RAPGEF4: variants seen among roughly 807,000 people sequenced by gnomAD.
RAPGEF4 encodes RAP guanine-nucleotide-exchange factor (GEF) 4.
A neutral mutation model predicts 147.9 loss-of-function variants in RAPGEF4; 66 were observed. That is an observed-to-expected ratio of 0.45 (90% confidence interval 0.37 to 0.55). RAPGEF4 has a LOEUF of 0.55. Ranked by LOEUF, RAPGEF4 falls within the 20% of genes least tolerant of loss-of-function variation. The pLI is 0.00. For missense variants in RAPGEF4, 1,071 were observed against 1,257.3 expected (o/e 0.85, Z 2.24); for synonymous variants, 419 against 442.7 (o/e 0.95, Z 0.67).
intron 4 of RAPGEF4, among the ~76,000 whole-genome samples, chr2:172,876,754 C>G (rs899767276): frequency 1.3e-5 from 2 of 152,152 alleles, no homozygotes; most frequent in African/African-American, 4.8e-5. Flanking sequence ...CAGGATGATG[C>G]TGGCCTCATA....
At chr2:172,889,573 CA>C (rs1697654884) in intron 4 of RAPGEF4, among the ~76,000 whole-genome samples, 1 of 151,782 alleles carries the variant, frequency 6.6e-6, no homozygotes, top group South Asian at 2.1e-4. Flanking sequence ...CGAGGTTTTA[CA>C]AGGGGACATG....
At chr2:172,982,138 C>T (rs574950276) in intron 10 of RAPGEF4, among the ~76,000 whole-genome samples, 9 of 152,276 alleles carry the variant, frequency 5.9e-5, no homozygotes, top group African/African-American at 1.2e-4. Context: ...GATTTTCAGA[C>T]GCTAAATCTA....
chr2:172,801,472 G>A (rs1295364701), intron 3 of RAPGEF4, among the ~76,000 whole-genome samples: 1 of 152,172 alleles, frequency 6.6e-6, no homozygotes, highest in Non-Finnish European at 1.5e-5. Flanking sequence ...TCAGTGGGGT[G>A]TGAGCCAGGA....
intron 4 of RAPGEF4, chr2:172,859,999 G>T (rs1186997094): frequency 2.0e-6 from 2 of 983,328 alleles, no homozygotes; most frequent in Middle Eastern, 5.2e-4. Flanking sequence ...AACAGGGAGG[G>T]GTGGGGGACA....
chr2:172,973,808 T>A (rs1258635401), intron 10 of RAPGEF4, among the ~76,000 whole-genome samples: 1 of 152,196 alleles, frequency 6.6e-6, no homozygotes, highest in Non-Finnish European at 1.5e-5. Flanking sequence ...TTTATGAGAT[T>A]ATGTTTGTTA....
chr2:172,900,089 A>C (rs1270589502), intron 4 of RAPGEF4, among the ~76,000 whole-genome samples: 1 of 152,114 alleles, frequency 6.6e-6, no homozygotes, highest in Non-Finnish European at 1.5e-5. Context: ...TCCGAAGAGG[A>C]CTCACTCGAG....
intron 16 of RAPGEF4, among the ~76,000 whole-genome samples, chr2:173,000,081 AG>A (rs1693753337): frequency 6.6e-6 from 1 of 152,218 alleles, no homozygotes; most frequent in African/African-American, 2.4e-5. Flanking sequence ...TGTTAAGCTC[AG>A]GCAAGCCAAA....
rs551296051 is a variant in RAPGEF4 at position 172,786,857 on chromosome 2, A to G, written c.66-8168A>G. On this transcript the variant is annotated intron_variant, in intron 1 of 30. Coordinates refer to ENST00000397081, the MANE Select transcript of RAPGEF4 (RefSeq NM_007023.4). ...TGCCTGTATATGGCCACTGTCCTCT[A>G]GCCCAGACAACATAGCAAGACCGCC... Among the ~76,000 whole-genome samples, 29 of 152,282 alleles carry G rather than the reference A, an allele frequency of 1.9e-4. No individual in the cohort carries two copies. The South Asian group carries it at 5.4e-3, about 28-fold the overall frequency.
chr2:172,906,846 A>C (rs1699679883), intron 4 of RAPGEF4, among the ~76,000 whole-genome samples: 2 of 152,126 alleles, frequency 1.3e-5, no homozygotes, highest in Admixed American at 1.3e-4. Context: ...TCTTCTCTGC[A>C]TCTTGCTTTG....
intron 1 of RAPGEF4, among the ~76,000 whole-genome samples, chr2:172,743,354 C>T (rs1160953988): frequency 1.3e-5 from 2 of 152,136 alleles, no homozygotes; most frequent in Non-Finnish European, 1.5e-5. Flanking sequence ...CAGCTGCATC[C>T]GTGTGCACCC....
At chr2:173,018,914 G>C in intron 22 of RAPGEF4, 112 bp downstream of exon 22, 1 of 1,209,712 alleles carries the variant, frequency 8.3e-7, no homozygotes, top group Non-Finnish European at 1.2e-6. Context: ...GGATGAACTG[G>C]TGCTTATGTA....
intron 4 of RAPGEF4, among the ~76,000 whole-genome samples, chr2:172,910,412 C>G (rs1435383269): frequency 6.6e-6 from 1 of 152,210 alleles, no homozygotes; most frequent in Non-Finnish European, 1.5e-5. Flanking sequence ...ATTGTAGAAG[C>G]CAGATCTTCC....
chr2:172,941,528 A>G (rs919732008), intron 6 of RAPGEF4, among the ~76,000 whole-genome samples: 9 of 152,196 alleles, frequency 5.9e-5, no homozygotes, highest in African/African-American at 2.2e-4. Context: ...TCTTATTGCC[A>G]CGTCTGACAA....
chr2:172,871,197 G>A (rs62174582), intron 4 of RAPGEF4, among the ~76,000 whole-genome samples: 29,010 of 152,168 alleles, frequency 0.19, 3,468 homozygotes, highest in Middle Eastern at 0.28. Context: ...CTAGAGGCAC[G>A]AGGCTTTCTT....
chr2:172,737,095 AT>A (rs1190931519), intron 1 of RAPGEF4, among the ~76,000 whole-genome samples: 2 of 152,242 alleles, frequency 1.3e-5, no homozygotes, highest in African/African-American at 4.8e-5. Flanking sequence ...TTGTTGAAAA[AT>A]ATTAAGTAAT....
intron 1 of RAPGEF4, among the ~76,000 whole-genome samples, chr2:172,784,887 G>T (rs1428715876): frequency 6.6e-6 from 1 of 150,994 alleles, no homozygotes; most frequent in African/African-American, 2.4e-5. Flanking sequence ...GTGCAATGGT[G>T]CAACCTCAGC....
intron 1 of RAPGEF4, among the ~76,000 whole-genome samples, chr2:172,737,218 A>AGAG (rs1693874216): frequency 1.3e-5 from 2 of 152,228 alleles, no homozygotes; most frequent in Non-Finnish European, 2.9e-5. Context: ...TGCCCTATTT[A>AGAG]TGTCTAAAAT....
At chr2:172,766,954 T>C (rs1349035389) in intron 1 of RAPGEF4, among the ~76,000 whole-genome samples, 1 of 152,212 alleles carries the variant, frequency 6.6e-6, no homozygotes, top group African/African-American at 2.4e-5. Flanking sequence ...CATTTTCTTG[T>C]ATGGTTTTGT....
chr2:172,886,387 A>G (rs1697215091), intron 4 of RAPGEF4, among the ~76,000 whole-genome samples: 1 of 152,230 alleles, frequency 6.6e-6, no homozygotes, highest in Admixed American at 6.5e-5. Flanking sequence ...TTTACAAAAA[A>G]GCTTGCAGAC....
Sources: allele counts gnomAD v4.1 joint callset (sites outside exome capture counted in the v4.1 genomes callset), GRCh38; gene constraint gnomAD v4.1.1; transcripts MANE v1.5; gene names NCBI Gene and HGNC (gene_info 2026-07-23, HGNC 2026-07-21).